Variants in LIPA observed in about 807,000 individuals in gnomAD.
LIPA encodes the protein lysosomal acid lipase/cholesteryl ester hydrolase.
In LIPA, 26 loss-of-function variants were observed where a neutral mutation model predicts 40.6. That is an observed-to-expected ratio of 0.64 (90% confidence interval 0.47 to 0.89). The LOEUF (loss-of-function observed/expected upper bound fraction) is 0.89, where lower values mean the gene tolerates loss of function less well. LIPA is among the 40% of genes least tolerant of loss of function. LIPA has a pLI of 0.00. For synonymous variants in LIPA, 188 were observed against 168.4 expected (o/e 1.12, Z -0.90); for missense variants, 455 against 479.6 (o/e 0.95, Z 0.48).
At chr10:89,297,910 G>A (rs921730634) in intron 1 of LIPA, among the ~76,000 whole-genome samples, 8 of 152,206 alleles carry the variant, frequency 5.3e-5, no homozygotes, top group African/African-American at 1.9e-4. Context: ...TGGACGCATG[G>A]CCTCTGTGCC....
At position 89,214,127 on chromosome 10, in the gene LIPA, G is replaced by T. The variant is rs1185859454; in HGVS notation, c.*701C>A. ...ATGGTTGAGTGTATCAGTCTTCAAA[G>T]CATTTAAAACATACTTTTGTTTTTG... On this transcript the variant is annotated 3_prime_UTR_variant, in exon 10 of 10. Transcript: ENST00000336233. The T allele has an allele frequency of 6.6e-6, 1 of 152,294 alleles. No homozygotes were observed. The highest frequency in any genetic ancestry group is 1.5e-5 in the Non-Finnish European group (1 of 68,108). 9.4% of individuals were successfully genotyped at this position (152,294 alleles called of 1,614,324 possible). A position where few individuals can be genotyped will look rare whatever the true frequency, so the allele number is the denominator to read the frequency against.
At chr10:89,405,533 G>A (rs1228491416) in intron 2 of LIPA, 1 of 152,198 alleles carries the variant, frequency 6.6e-6, no homozygotes, top group Admixed American at 6.5e-5. Flanking sequence ...AGTTCTGGAG[G>A]TCAGAAGTCT....
At chr10:89,371,769 A>G (rs74665045) in intron 2 of LIPA, among the ~76,000 whole-genome samples, 1,594 of 152,236 alleles carry the variant, frequency 0.01, 40 homozygotes, top group East Asian at 0.093. Context: ...AACCTTAAAC[A>G]TCCTTGGAAT....
intron 2 of LIPA, chr10:89,406,465 T>A (rs1187064308): frequency 6.6e-6 from 1 of 152,272 alleles, no homozygotes. Flanking sequence ...TTTCGCTCTT[T>A]CAATAAATCT....
At chr10:89,365,309 T>G (rs767627787) in intron 2 of LIPA, among the ~76,000 whole-genome samples, 1 of 152,178 alleles carries the variant, frequency 6.6e-6, no homozygotes, top group Non-Finnish European at 1.5e-5. Context: ...AAGACAGAGA[T>G]CTTGTAAATT....
chr10:89,299,431 A>G (rs1843432926), intron 1 of LIPA, among the ~76,000 whole-genome samples: 1 of 152,240 alleles, frequency 6.6e-6, no homozygotes, highest in African/African-American at 2.4e-5. Context: ...TTGAAAACCT[A>G]TGTAATGAAA....
At chr10:89,315,215 G>A (rs1196533648) in intron 1 of LIPA, among the ~76,000 whole-genome samples, 6 of 152,122 alleles carry the variant, frequency 3.9e-5, no homozygotes, top group South Asian at 2.1e-4. Context: ...CTGGGTATAA[G>A]GATGGTATTT....
intron 1 of LIPA, chr10:89,302,134 T>C: frequency 2.5e-6 from 4 of 1,613,876 alleles, no homozygotes; most frequent in Non-Finnish European, 3.4e-6. Flanking sequence ...ATGAGGTAAA[T>C]ATTTTCCCTT....
In LIPA at chr10:89,306,939, A is replaced by G. The variant is rs1335740085; in HGVS notation, c.-2+35672T>C. The G allele has an allele frequency of 1.9e-6, 3 of 1,613,930 alleles. No individual in the cohort carries two copies. In the African/African-American group the frequency reaches 4.0e-5, roughly 22 times the overall value. On this transcript the variant is annotated intron_variant, in intron 1 of 5. Coordinates refer to the LIPA transcript ENST00000282673. Reference sequence around the variant, plus strand: ...GTGGCTCATCTGAAGAAAGCTGATGAGGCCAATGATAATCTCTTCCGTGTC... The same window carrying G: ...GTGGCTCATCTGAAGAAAGCTGATGGGGCCAATGATAATCTCTTCCGTGTC...
At chr10:89,335,065 C>T (rs138813346) in intron 1 of LIPA, among the ~76,000 whole-genome samples, 230 of 152,180 alleles carry the variant, frequency 1.5e-3, no homozygotes, top group South Asian at 8.5e-3. Context: ...TCAGGCCTTC[C>T]AGTCCAATAT....
intron 8 of LIPA, among the ~76,000 whole-genome samples, chr10:89,217,792 A>C (rs539746262): frequency 2.0e-5 from 3 of 152,264 alleles, no homozygotes; most frequent in Admixed American, 6.5e-5. Flanking sequence ...TATGCAGTTG[A>C]TAAGAACAGA....
chr10:89,264,435 A>G (rs1021555933), intron 1 of LIPA, among the ~76,000 whole-genome samples: 7 of 151,554 alleles, frequency 4.6e-5, no homozygotes, highest in Non-Finnish European at 1.0e-4. Flanking sequence ...CTTCAAGCAG[A>G]TTGTCCCAAT....
chr10:89,372,038 A>C (rs955494895), intron 2 of LIPA, among the ~76,000 whole-genome samples: 1 of 152,216 alleles, frequency 6.6e-6, no homozygotes, highest in African/African-American at 2.4e-5. Flanking sequence ...GAACAACACA[A>C]ATATGGGACC....
In LIPA at chr10:89,247,707, T is replaced by C. The variant is rs1843047552; in HGVS notation, c.-1-58A>G. On this transcript the variant is annotated intron_variant, in intron 1 of 9. Transcript: ENST00000336233. ...TGAATTTTACTACACAAAAATATTCTGGTAACTTAATGCTCCCACAAAAAG... is the reference window on the plus strand; with the variant it reads ...TGAATTTTACTACACAAAAATATTCCGGTAACTTAATGCTCCCACAAAAAG... The C allele has an allele frequency of 6.2e-6, 8 of 1,282,428 alleles. No homozygotes were observed. The South Asian group carries it at 8.5e-5, about 14-fold the overall frequency. The allele number at this position is 1,282,428 out of a possible 1,614,324, so 79.4% of individuals were successfully genotyped here.
At chr10:89,261,022 G>T (rs894825306) in intron 1 of LIPA, among the ~76,000 whole-genome samples, 5 of 152,192 alleles carry the variant, frequency 3.3e-5, no homozygotes, top group African/African-American at 4.8e-5. Context: ...AGAAATTATT[G>T]TCTAAGGGTC....
chr10:89,367,656 T>G (rs1221204342), intron 2 of LIPA, among the ~76,000 whole-genome samples: 1 of 152,158 alleles, frequency 6.6e-6, no homozygotes, highest in Non-Finnish European at 1.5e-5. Context: ...CTTCACACCT[T>G]CCCCTGGTGC....
intron 1 of LIPA, among the ~76,000 whole-genome samples, chr10:89,300,268 G>A (rs575137326): frequency 6.6e-6 from 1 of 152,220 alleles, no homozygotes; most frequent in Non-Finnish European, 1.5e-5. Context: ...AGACTGGGAA[G>A]GGGGGTGGTG....
chr10:89,249,852 A>C (rs1294968243), intron 1 of LIPA, among the ~76,000 whole-genome samples: 4 of 152,222 alleles, frequency 2.6e-5, no homozygotes, highest in South Asian at 2.1e-4. Flanking sequence ...GCAAAAACTT[A>C]TACAATTGTA....
chr10:89,352,194 G>A (rs973547692), intron 2 of LIPA, among the ~76,000 whole-genome samples: 3 of 152,138 alleles, frequency 2.0e-5, no homozygotes, highest in Admixed American at 2.0e-4. Context: ...CCTCTTTGCA[G>A]TTTCAATGTG....
Sources: gnomAD v4.1 joint callset for allele counts (sites outside exome capture counted in the v4.1 genomes callset) on GRCh38, gnomAD v4.1.1 for gene constraint, MANE v1.5 for transcripts, NCBI Gene and HGNC (gene_info 2026-07-23, HGNC 2026-07-21) for gene names.